Variants in AUTS2 observed in about 807,000 individuals in gnomAD.
AUTS2 encodes autism susceptibility gene 2 protein.
Under a neutral mutation model 112.4 loss-of-function variants are expected in AUTS2, and 17 were observed. The observed-to-expected ratio is 0.15, with a 90% CI of 0.10 to 0.23. The LOEUF (loss-of-function observed/expected upper bound fraction) is 0.23. AUTS2 is among the 10% of genes least tolerant of loss of function. The pLI, the probability that AUTS2 is intolerant of heterozygous loss-of-function variation, is 1.00. For synonymous variants in AUTS2, 751 were observed against 702.7 expected, an observed-to-expected ratio of 1.07 and a Z score of -1.09; for missense variants, 1,510 against 1,701.6, an observed-to-expected ratio of 0.89 and a Z score of 1.98.
intron 5 of AUTS2, among the ~76,000 whole-genome samples, chr7:70,514,918 C>T (rs1799354235): frequency 6.6e-6 from 1 of 152,218 alleles, no homozygotes; most frequent in Non-Finnish European, 1.5e-5. Context: ...CATCTTTTTA[C>T]ACATTTATAG....
At chr7:70,567,827 C>G (rs1801769089) in intron 5 of AUTS2, among the ~76,000 whole-genome samples, 1 of 152,188 alleles carries the variant, frequency 6.6e-6, no homozygotes, top group South Asian at 2.1e-4. Context: ...CCTGACCCCC[C>G]AGGTGTGTTC....
At chr7:70,091,146 A>C (rs1214615787) in intron 2 of AUTS2, among the ~76,000 whole-genome samples, 1 of 152,140 alleles carries the variant, frequency 6.6e-6, no homozygotes, top group African/African-American at 2.4e-5. Flanking sequence ...AATGTTTCAC[A>C]GTCTTTGCAA....
At chr7:70,542,480 A>G (rs1030110282) in intron 5 of AUTS2, among the ~76,000 whole-genome samples, 1 of 152,206 alleles carries the variant, frequency 6.6e-6, no homozygotes, top group African/African-American at 2.4e-5. Context: ...CATCCAATGT[A>G]GGAGGCAGCA....
intron 2 of AUTS2, among the ~76,000 whole-genome samples, chr7:69,964,376 G>A (rs533564362): frequency 6.6e-6 from 1 of 152,288 alleles, no homozygotes; most frequent in South Asian, 2.1e-4. Context: ...CTACCCATTT[G>A]CGTGCACACT....
chr7:70,368,192 C>T (rs1174097780), intron 4 of AUTS2, among the ~76,000 whole-genome samples: 1 of 152,150 alleles, frequency 6.6e-6, no homozygotes, highest in Non-Finnish European at 1.5e-5. Flanking sequence ...GAGATTAGTA[C>T]TACCTACCTC....
At chr7:70,222,692 C>T (rs1428223420) in intron 4 of AUTS2, among the ~76,000 whole-genome samples, 10 of 151,550 alleles carry the variant, frequency 6.6e-5, no homozygotes, top group Non-Finnish European at 5.9e-5. Context: ...ATGAATATCA[C>T]AGTTCAAGGT....
At chr7:70,061,769 G>A (rs1260974252) in intron 2 of AUTS2, among the ~76,000 whole-genome samples, 2 of 151,764 alleles carry the variant, frequency 1.3e-5, no homozygotes, top group African/African-American at 4.8e-5. Flanking sequence ...TGGAATTTAA[G>A]GGTTATTTCT....
chr7:69,836,663 G>A (rs190992762), intron 1 of AUTS2, among the ~76,000 whole-genome samples: 1 of 152,226 alleles, frequency 6.6e-6, no homozygotes, highest in East Asian at 1.9e-4. Flanking sequence ...AAACTCCTCA[G>A]GAACAATGAC....
At chr7:70,169,386 A>G (rs12698864) in intron 4 of AUTS2, among the ~76,000 whole-genome samples, 33,211 of 151,914 alleles carry the variant, frequency 0.22, 3,619 homozygotes, top group Middle Eastern at 0.32. Flanking sequence ...GGCTACAGAC[A>G]CGTGTCACCA....
At chr7:69,792,963 GTGT>G (rs1789682747) in intron 1 of AUTS2, among the ~76,000 whole-genome samples, 1 of 152,158 alleles carries the variant, frequency 6.6e-6, no homozygotes, top group South Asian at 2.1e-4. Flanking sequence ...TCCAGTGGGT[GTGT>G]TATGTTGAGA....
At chr7:70,240,212 T>G (rs1435727709) in intron 4 of AUTS2, among the ~76,000 whole-genome samples, 1 of 152,220 alleles carries the variant, frequency 6.6e-6, no homozygotes, top group Non-Finnish European at 1.5e-5. Flanking sequence ...TTCAATATGG[T>G]GCCTCTTTCA....
intron 1 of AUTS2, among the ~76,000 whole-genome samples, chr7:69,799,787 G>T (rs971879674): frequency 2.6e-5 from 4 of 151,726 alleles, no homozygotes; most frequent in Admixed American, 2.6e-4. Context: ...AGCTCTCCCC[G>T]CCCCCTCCTG....
chr7:70,697,885 G>A (rs1168810956), intron 5 of AUTS2, among the ~76,000 whole-genome samples: 2 of 152,034 alleles, frequency 1.3e-5, no homozygotes, highest in Non-Finnish European at 2.9e-5. Flanking sequence ...ATTGGCTTTA[G>A]TTTTACTGTT....
At chr7:69,942,365 A>G (rs193163204) in intron 2 of AUTS2, among the ~76,000 whole-genome samples, 119 of 152,276 alleles carry the variant, frequency 7.8e-4, no homozygotes, top group African/African-American at 2.8e-3. Flanking sequence ...GCTACCATTT[A>G]TGTACTTCTG....
chr7:70,085,521 A>C (rs1392139378), intron 2 of AUTS2, among the ~76,000 whole-genome samples: 5 of 152,064 alleles, frequency 3.3e-5, no homozygotes, highest in Non-Finnish European at 7.4e-5. Flanking sequence ...GCCCGCCACC[A>C]CACCCAGCTA....
intron 10 of AUTS2, among the ~76,000 whole-genome samples, chr7:70,770,461 C>T (rs1484682493): frequency 6.6e-6 from 1 of 152,210 alleles, no homozygotes; most frequent in Non-Finnish European, 1.5e-5. Flanking sequence ...AATAAACCAC[C>T]ACGAAGGTGG....
intron 5 of AUTS2, among the ~76,000 whole-genome samples, chr7:70,597,539 G>A (rs1237779808): frequency 1.3e-5 from 2 of 152,176 alleles, no homozygotes; most frequent in East Asian, 3.8e-4. Context: ...TGAGTATGTA[G>A]GTGTGCAATT....
chr7:70,496,386 ACACC>A (rs1798506323), intron 5 of AUTS2, among the ~76,000 whole-genome samples: 1 of 86,254 alleles, frequency 1.2e-5, no homozygotes, highest in African/African-American at 5.0e-5. Context: ...CCACTCACAC[ACACC>A]ACGTACACAG....
intron 5 of AUTS2, among the ~76,000 whole-genome samples, chr7:70,486,013 A>G (rs201400917): frequency 9.1e-6 from 1 of 110,454 alleles, no homozygotes; most frequent in African/African-American, 3.4e-5. Flanking sequence ...ATAAATAAAT[A>G]AATAAATAAA....
Sources: allele counts gnomAD v4.1 joint callset (sites outside exome capture counted in the v4.1 genomes callset), GRCh38; gene constraint gnomAD v4.1.1; transcripts MANE v1.5; gene names NCBI Gene and HGNC (gene_info 2026-07-23, HGNC 2026-07-21).